The following NRXN1 variants were observed in gnomAD, a reference collection of about 807,000 sequenced individuals.
NRXN1 encodes the protein neurexin-1.
A neutral mutation model predicts 150.9 loss-of-function variants in NRXN1; 39 were observed. The observed-to-expected ratio is 0.26, with a 90% CI of 0.20 to 0.34. The LOEUF (loss-of-function observed/expected upper bound fraction) is 0.34, where lower values mean the gene tolerates loss of function less well. NRXN1 is among the 10% of genes least tolerant of loss of function. The pLI is 1.00. For synonymous variants in NRXN1, 924 were observed against 757.0 expected (o/e 1.22, Z -3.62); for missense variants, 1,815 against 1,949.9 (o/e 0.93, Z 1.30).
At chr2:50,817,279 T>C (rs1669069976) in intron 5 of NRXN1, among the ~76,000 whole-genome samples, 1 of 152,068 alleles carries the variant, frequency 6.6e-6, no homozygotes, top group Non-Finnish European at 1.5e-5. Flanking sequence ...TATAAATTCC[T>C]AGAAACATAC....
At chr2:50,187,615 T>C (rs953979434) in intron 18 of NRXN1, among the ~76,000 whole-genome samples, 1 of 152,146 alleles carries the variant, frequency 6.6e-6, no homozygotes, top group Non-Finnish European at 1.5e-5. Context: ...AGAGTTTTTT[T>C]CTAATTCTGT....
intron 19 of NRXN1, among the ~76,000 whole-genome samples, chr2:50,056,681 AT>A (rs992838146): frequency 1.6e-4 from 25 of 151,906 alleles, no homozygotes; most frequent in South Asian, 4.2e-4. Flanking sequence ...CATATTTGGA[AT>A]TTTTTTTTAA....
intron 2 of NRXN1, among the ~76,000 whole-genome samples, chr2:50,961,097 CT>C (rs1693108256): frequency 6.6e-6 from 1 of 151,822 alleles, no homozygotes; most frequent in Non-Finnish European, 1.5e-5. Flanking sequence ...AGAGATAAGA[CT>C]TTAAAGATTA....
intron 21 of NRXN1, among the ~76,000 whole-genome samples, chr2:49,947,562 G>A (rs1673172773): frequency 9.0e-6 from 1 of 111,708 alleles, no homozygotes; most frequent in African/African-American, 3.6e-5. Flanking sequence ...CAGTCTCACT[G>A]TGTTACCCAG....
chr2:50,769,559 C>T (rs1702763825), intron 5 of NRXN1, among the ~76,000 whole-genome samples: 1 of 152,080 alleles, frequency 6.6e-6, no homozygotes, highest in Admixed American at 6.6e-5. Context: ...TCTCACCCCT[C>T]TGCAGAATGA....
chr2:50,684,459 G>A (rs1690929308), intron 5 of NRXN1, among the ~76,000 whole-genome samples: 1 of 152,106 alleles, frequency 6.6e-6, no homozygotes, highest in Non-Finnish European at 1.5e-5. Flanking sequence ...CTGTGATGGT[G>A]TCACTACACT....
chr2:50,694,583 TC>T (rs1476087983), intron 5 of NRXN1, among the ~76,000 whole-genome samples: 2 of 152,160 alleles, frequency 1.3e-5, no homozygotes, highest in Non-Finnish European at 2.9e-5. Context: ...TTATCTCTGT[TC>T]ATCTCTACAA....
intron 11 of NRXN1, among the ~76,000 whole-genome samples, chr2:50,530,585 A>G (rs1490419547): frequency 6.6e-6 from 1 of 152,182 alleles, no homozygotes; most frequent in Non-Finnish European, 1.5e-5. Flanking sequence ...ACAATTAAGC[A>G]GGAAAGCATT....
intron 18 of NRXN1, among the ~76,000 whole-genome samples, chr2:50,220,878 T>G (rs1440566437): frequency 1.3e-5 from 2 of 152,020 alleles, no homozygotes; most frequent in Non-Finnish European, 2.9e-5. Context: ...TGACAAAAGT[T>G]ATTGCTAGTT....
At position 50,489,751 on chromosome 2, in the gene NRXN1, G is replaced by C. The variant is rs2091128768; in HGVS notation, c.3070+6154C>G. Among the ~76,000 whole-genome samples, 6 of 152,240 alleles carry C rather than the reference G, an allele frequency of 3.9e-5. No individual in the cohort carries two copies. The South Asian group carries it at 1.2e-3, about 32-fold the overall frequency. On this transcript the variant is annotated intron_variant, in intron 15 of 22. Transcript: ENST00000401669. ...TCAGAAACAAGTAAAATGGGTGAAG[G>C]AATTTTTAAAAAATGCTTTTAGTAG... is the stretch of plus-strand genomic sequence containing the variant.
chr2:50,839,664 T>C (rs1192795854), intron 5 of NRXN1, among the ~76,000 whole-genome samples: 2 of 152,122 alleles, frequency 1.3e-5, no homozygotes, highest in Non-Finnish European at 2.9e-5. Flanking sequence ...TATCTATTTA[T>C]CAGATACTAT....
chr2:50,848,303 A>T (rs924028068), intron 5 of NRXN1, among the ~76,000 whole-genome samples: 3 of 152,174 alleles, frequency 2.0e-5, no homozygotes, highest in African/African-American at 7.2e-5. Flanking sequence ...ACTAGGTCTG[A>T]TTCCAGCAAC....
chr2:50,310,586 A>C (rs1477420827), intron 17 of NRXN1, among the ~76,000 whole-genome samples: 3 of 152,212 alleles, frequency 2.0e-5, no homozygotes, highest in Non-Finnish European at 4.4e-5. Flanking sequence ...AAAGAATAAT[A>C]AATCAATTTA....
chr2:50,822,509 A>T (rs971393529), intron 5 of NRXN1, among the ~76,000 whole-genome samples: 2 of 152,132 alleles, frequency 1.3e-5, no homozygotes, highest in Non-Finnish European at 2.9e-5. Context: ...ATAATATAAG[A>T]CACTCATCTG....
chr2:50,327,106 A>G (rs1435312805), intron 17 of NRXN1, among the ~76,000 whole-genome samples: 1 of 152,228 alleles, frequency 6.6e-6, no homozygotes, highest in African/African-American at 2.4e-5. Flanking sequence ...AAAAATGCTT[A>G]TAGGTATAAT....
chr2:50,174,274 G>A (rs918098835), intron 18 of NRXN1, among the ~76,000 whole-genome samples: 1 of 151,952 alleles, frequency 6.6e-6, no homozygotes, highest in East Asian at 1.9e-4. Flanking sequence ...GACCCAGTTC[G>A]GCCATTGACT....
intron 18 of NRXN1, among the ~76,000 whole-genome samples, chr2:50,194,138 T>C (rs2061610206): frequency 6.6e-6 from 1 of 152,172 alleles, no homozygotes; most frequent in Non-Finnish European, 1.5e-5. Context: ...TCTGATTACA[T>C]AATGGTAAAA....
chr2:50,305,870 C>T (rs899637912), intron 17 of NRXN1, among the ~76,000 whole-genome samples: 3 of 152,194 alleles, frequency 2.0e-5, no homozygotes, highest in Non-Finnish European at 2.9e-5. Flanking sequence ...GCCAATTCTC[C>T]GTCCTTCCAT....
intron 5 of NRXN1, among the ~76,000 whole-genome samples, chr2:50,739,452 T>A (rs1474707118): frequency 6.6e-6 from 1 of 152,158 alleles, no homozygotes; most frequent in Non-Finnish European, 1.5e-5. Flanking sequence ...ATTTTTTACC[T>A]AAGCAAACCT....
Sources: allele counts gnomAD v4.1 joint callset (sites outside exome capture counted in the v4.1 genomes callset), GRCh38; gene constraint gnomAD v4.1.1; transcripts MANE v1.5; gene names NCBI Gene and HGNC (gene_info 2026-07-23, HGNC 2026-07-21).